The following SLC8A3 variants were observed in gnomAD, a reference collection of about 807,000 sequenced individuals.
The protein encoded by SLC8A3 is solute carrier family 8 member A3, also known as sodium/calcium exchanger 3.
SLC8A3 carries 37 observed loss-of-function variants against 65.4 expected under a neutral mutation model. The observed-to-expected ratio is 0.57, with a 90% CI of 0.44 to 0.74. SLC8A3 has a LOEUF of 0.74. Ranked by LOEUF, SLC8A3 falls within the 30% of genes least tolerant of loss-of-function variation. The pLI, the probability that SLC8A3 is intolerant of heterozygous loss-of-function variation, is 0.00. For synonymous variants in SLC8A3, 461 were observed against 444.5 expected (o/e 1.04, Z -0.47); for missense variants, 1,112 against 1,172.1 (o/e 0.95, Z 0.75).
intron 2 of SLC8A3, chr14:70,080,144 G>A (rs1053730323): frequency 3.5e-5 from 34 of 985,246 alleles, no homozygotes; most frequent in South Asian, 9.4e-5. Flanking sequence ...GCCAGTTATC[G>A]TCTGGATGCC....
chr14:70,179,790 T>A (rs760244047), intron 1 of SLC8A3, among the ~76,000 whole-genome samples: 1 of 152,230 alleles, frequency 6.6e-6, no homozygotes, highest in African/African-American at 2.4e-5. Context: ...GCCAGGGGTT[T>A]ACAAAGAACT....
intron 1 of SLC8A3, among the ~76,000 whole-genome samples, chr14:70,173,154 A>G (rs948441747): frequency 7.2e-5 from 11 of 152,332 alleles, no homozygotes; most frequent in Admixed American, 3.9e-4. Context: ...TAAACCAAAG[A>G]ATGACATGGT....
chr14:70,141,263 T>C (rs148261943), intron 2 of SLC8A3, among the ~76,000 whole-genome samples: 11 of 152,330 alleles, frequency 7.2e-5, no homozygotes, highest in Non-Finnish European at 1.6e-4. Flanking sequence ...GTTGGAAATG[T>C]ATTCAGCATG....
At chr14:70,182,192 G>A (rs1465949442) in intron 1 of SLC8A3, among the ~76,000 whole-genome samples, 1 of 152,148 alleles carries the variant, frequency 6.6e-6, no homozygotes, top group African/African-American at 2.4e-5. Context: ...AAGAGAAAGT[G>A]GGAAGTCAGG....
At chr14:70,049,128 G>T in intron 5 of SLC8A3, 86 bp from the exon 6 acceptor site, 1 of 1,310,490 alleles carries the variant, frequency 7.6e-7, no homozygotes, top group Non-Finnish European at 1.1e-6. Context: ...CGCACCACAG[G>T]CATCATCCGC....
intron 2 of SLC8A3, among the ~76,000 whole-genome samples, chr14:70,100,870 T>A (rs1017150045): frequency 6.6e-6 from 1 of 152,266 alleles, no homozygotes; most frequent in Admixed American, 6.5e-5. Context: ...TGCCAAATCA[T>A]CTGGCTTTTC....
chr14:70,053,088 G>C (rs1253282543), intron 3 of SLC8A3, among the ~76,000 whole-genome samples: 3 of 152,248 alleles, frequency 2.0e-5, no homozygotes, highest in Non-Finnish European at 4.4e-5. Context: ...ACTGCATGAA[G>C]ATGGTATGAG....
At chr14:70,050,498 C>T (rs1293886228) in intron 5 of SLC8A3, among the ~76,000 whole-genome samples, 4 of 152,260 alleles carry the variant, frequency 2.6e-5, no homozygotes, top group East Asian at 1.9e-4. Context: ...TGGGTCACTA[C>T]TGAGGGAGCC....
chr14:70,188,862 G>C lies in SLC8A3; in HGVS notation c.-546C>G, dbSNP rs1247548895. 1 of 152,072 alleles carries C rather than the reference G, an allele frequency of 6.6e-6. No individual in the cohort carries two copies. Among genetic ancestry groups the C allele is most frequent in the African/African-American group, 2.4e-5 (1 of 41,420 alleles). The allele number at this position is 152,072 out of a possible 1,614,324, so 9.4% of individuals were successfully genotyped here. A position where few individuals can be genotyped will look rare whatever the true frequency, so the allele number is the denominator to read the frequency against. ...CGGTCGCGTCGCCTGGGCTTTCCCT[G>C]GGCTGGGAGCGCGCCGGGTCTCCGC... On this transcript the variant is annotated 5_prime_UTR_variant, in exon 1 of 7. Coordinates refer to ENST00000356921, the MANE Select transcript of SLC8A3 (RefSeq NM_182932.3).
chr14:70,136,994 C>G (rs1895239929), intron 2 of SLC8A3, among the ~76,000 whole-genome samples: 1 of 152,170 alleles, frequency 6.6e-6, no homozygotes, highest in African/African-American at 2.4e-5. Context: ...CTTGGAGCAT[C>G]TCCTATGAAG....
At chr14:70,131,066 G>T (rs1894797426) in intron 2 of SLC8A3, among the ~76,000 whole-genome samples, 1 of 152,186 alleles carries the variant, frequency 6.6e-6, no homozygotes, top group Non-Finnish European at 1.5e-5. Context: ...ATGGGGCATG[G>T]TAGAGAAAAA....
chr14:70,101,732 C>G (rs1042883616), intron 2 of SLC8A3, among the ~76,000 whole-genome samples: 2 of 152,180 alleles, frequency 1.3e-5, no homozygotes, highest in African/African-American at 4.8e-5. Flanking sequence ...AAATCATTTT[C>G]AGGTATTGAA....
At chr14:70,090,363 C>T (rs186746415) in intron 2 of SLC8A3, among the ~76,000 whole-genome samples, 2 of 152,132 alleles carry the variant, frequency 1.3e-5, no homozygotes, top group African/African-American at 4.8e-5. Context: ...ACGTCATATG[C>T]GCATGTCCTC....
chr14:70,143,816 T>A (rs1231607657), intron 2 of SLC8A3, among the ~76,000 whole-genome samples: 3 of 152,102 alleles, frequency 2.0e-5, no homozygotes, highest in African/African-American at 7.2e-5. Context: ...AACCAGCAGC[T>A]CTATTCCCCT....
chr14:70,055,924 AGAGAGCTTAGTAGGT>A, intron 3 of SLC8A3: 1 of 944,782 alleles, frequency 1.1e-6, no homozygotes, highest in Admixed American at 2.3e-5. Context: ...TAAGGAAAGC[AGAGAGCTTAGTAGGT>A]GAGAGCTCAG....
intron 5 of SLC8A3, 141 bp from the exon 6 acceptor site, chr14:70,049,183 G>A: frequency 1.2e-6 from 1 of 818,224 alleles, no homozygotes; most frequent in East Asian, 2.6e-5. Context: ...GTGGGGGCCA[G>A]GGCCAGCGTG....
chr14:70,125,459 A>G (rs1367893739), intron 2 of SLC8A3, among the ~76,000 whole-genome samples: 1 of 152,210 alleles, frequency 6.6e-6, no homozygotes, highest in Non-Finnish European at 1.5e-5. Flanking sequence ...GCTTCACTTA[A>G]GAGAATGGCT....
chr14:70,066,702 T>C (rs941540152), intron 2 of SLC8A3, among the ~76,000 whole-genome samples: 6 of 152,124 alleles, frequency 3.9e-5, no homozygotes, highest in Admixed American at 1.3e-4. Context: ...TCCCAGCTAC[T>C]TGGGAGACTG....
intron 2 of SLC8A3, among the ~76,000 whole-genome samples, chr14:70,160,392 C>T (rs562407164): frequency 5.9e-5 from 9 of 152,146 alleles, no homozygotes; most frequent in East Asian, 1.9e-4. Context: ...TTGCAATAAG[C>T]GAGTGACAGC....
Sources: allele counts gnomAD v4.1 joint callset (sites outside exome capture counted in the v4.1 genomes callset), GRCh38; gene constraint gnomAD v4.1.1; transcripts MANE v1.5; gene names NCBI Gene and HGNC (gene_info 2026-07-23, HGNC 2026-07-21).